TRPC5: variants seen among roughly 807,000 people sequenced by gnomAD.
TRPC5 encodes the protein short transient receptor potential channel 5.
Under a neutral mutation model 56.5 loss-of-function variants are expected in TRPC5, and 9 were observed. The observed-to-expected ratio is 0.16, with a 90% confidence interval of 0.10 to 0.28. The LOEUF (loss-of-function observed/expected upper bound fraction) is 0.28, where lower values mean the gene tolerates loss of function less well. TRPC5 is among the 10% of genes least tolerant of loss of function. The pLI, the probability that TRPC5 is intolerant of heterozygous loss-of-function variation, is 1.00. For missense variants in TRPC5, 469 were observed against 748.9 expected, an observed-to-expected ratio of 0.63 and a Z score of 4.36; for synonymous variants, 282 against 278.5, an observed-to-expected ratio of 1.01 and a Z score of -0.13.
intron 10 of TRPC5, among the ~76,000 whole-genome samples, chrX:111,777,976 G>T (rs1301141420): frequency 8.9e-6 from 1 of 112,649 alleles, no homozygotes; most frequent in Non-Finnish European, 1.9e-5. Flanking sequence ...GAGCTGGTTA[G>T]ATCTTGCTCA....
chrX:111,972,054 A>G (rs1040118760), intron 1 of TRPC5, among the ~76,000 whole-genome samples: 2 of 111,414 alleles, frequency 1.8e-5, no homozygotes, highest in African/African-American at 6.5e-5. Context: ...TTAAATACTG[A>G]TATGAAATGC....
intron 1 of TRPC5, among the ~76,000 whole-genome samples, chrX:111,993,865 T>A (rs908891401): frequency 8.9e-6 from 1 of 112,174 alleles, no homozygotes; most frequent in African/African-American, 3.2e-5. Flanking sequence ...CTGTTCACTC[T>A]GATGGTAGTT....
chrX:111,853,256 G>C (rs1471453240), intron 4 of TRPC5, among the ~76,000 whole-genome samples: 1 of 111,461 alleles, frequency 9.0e-6, no homozygotes, highest in Non-Finnish European at 1.9e-5. Context: ...AATTATGCCT[G>C]GAGACTACTG....
intron 1 of TRPC5, among the ~76,000 whole-genome samples, chrX:112,030,429 G>A (rs947784104): frequency 3.6e-5 from 4 of 112,076 alleles, no homozygotes; most frequent in African/African-American, 1.3e-4. Flanking sequence ...CTTGTTAATC[G>A]CTATAGCATT....
intron 1 of TRPC5, among the ~76,000 whole-genome samples, chrX:112,007,051 G>C (rs901266369): frequency 9.0e-6 from 1 of 111,083 alleles, no homozygotes; most frequent in Non-Finnish European, 1.9e-5. Context: ...AGGGAGGTGG[G>C]GTGGAGTGGG....
intron 1 of TRPC5, among the ~76,000 whole-genome samples, chrX:112,038,227 T>C (rs760210703): frequency 8.9e-6 from 1 of 112,140 alleles, no homozygotes; most frequent in Admixed American, 9.4e-5. Context: ...GAAATTTACG[T>C]CGTTACATTT....
chrX:112,054,419 C>A (rs1323619909), intron 1 of TRPC5, among the ~76,000 whole-genome samples: 3 of 111,058 alleles, frequency 2.7e-5, no homozygotes, highest in Non-Finnish European at 5.7e-5. Flanking sequence ...GGAGGCTGGA[C>A]AGAGGATGTA....
intron 7 of TRPC5, among the ~76,000 whole-genome samples, chrX:111,813,535 G>A (rs1027431633): frequency 1.7e-4 from 19 of 112,539 alleles, no homozygotes; most frequent in Middle Eastern, 4.6e-3. Flanking sequence ...CAAACTGCAA[G>A]GCCAATTTCT....
intron 3 of TRPC5, among the ~76,000 whole-genome samples, chrX:111,879,549 G>A (rs1924108041): frequency 8.9e-6 from 1 of 112,292 alleles, no homozygotes; most frequent in Admixed American, 9.4e-5. Context: ...TCTTTATCAA[G>A]TACCTGCTAA....
At chrX:112,043,570 GA>G (rs1271585175) in intron 1 of TRPC5, among the ~76,000 whole-genome samples, 4 of 99,332 alleles carry the variant, frequency 4.0e-5, no homozygotes, top group South Asian at 4.7e-4. Flanking sequence ...CATTCTGATA[GA>G]AAAAAAAGTT....
chrX:112,044,076 G>A (rs906817593), intron 1 of TRPC5, among the ~76,000 whole-genome samples: 2 of 111,410 alleles, frequency 1.8e-5, no homozygotes, highest in Admixed American at 9.5e-5. Context: ...AGATAGACTA[G>A]CAACTGTAAA....
chrX:111,964,619 G>A (rs777296484), intron 1 of TRPC5, among the ~76,000 whole-genome samples: 14 of 112,557 alleles, frequency 1.2e-4, no homozygotes, highest in East Asian at 8.4e-4. Flanking sequence ...GACTAACAGC[G>A]GATCTCTTGG....
chrX:111,773,741 CT>C lies in TRPC5; in HGVS notation c.*2571del, dbSNP rs1945857828. Among the ~76,000 whole-genome samples, 2 of 111,179 alleles carry C rather than the reference CT, an allele frequency of 1.8e-5. No individual in the cohort carries two copies. The highest frequency in any genetic ancestry group is 3.8e-5 in the Non-Finnish European group (2 of 52,953). ...ATATGAGGTTGGAATAGAGTAGATC[CT>C]TTATAAAGTTCTCTTTTAGTTCTTT... is the stretch of plus-strand genomic sequence containing the variant. On this transcript the variant is annotated 3_prime_UTR_variant, in exon 11 of 11. Transcript: ENST00000262839.
chrX:111,993,022 G>C (rs909559959), intron 1 of TRPC5, among the ~76,000 whole-genome samples: 1 of 110,165 alleles, frequency 9.1e-6, no homozygotes, highest in African/African-American at 3.3e-5. Flanking sequence ...ATTTACATTA[G>C]GTATTTCTCC....
chrX:111,956,240 A>G (rs1048314635), intron 1 of TRPC5, among the ~76,000 whole-genome samples: 3 of 112,369 alleles, frequency 2.7e-5, no homozygotes, highest in Non-Finnish European at 5.6e-5. Context: ...CAGTGCCTTC[A>G]GAGTGTCGTG....
At chrX:111,954,374 C>CT (rs2148639593) in intron 1 of TRPC5, among the ~76,000 whole-genome samples, 1 of 111,949 alleles carries the variant, frequency 8.9e-6, no homozygotes, top group South Asian at 3.8e-4. Context: ...GGCTGGAGGC[C>CT]TCACAGAAAG....
At chrX:111,865,543 G>T (rs1439723020) in intron 3 of TRPC5, among the ~76,000 whole-genome samples, 2 of 108,844 alleles carry the variant, frequency 1.8e-5, no homozygotes, top group Non-Finnish European at 3.8e-5. Context: ...GGCCAGGATG[G>T]TCTTGATCTC....
chrX:111,988,735 C>G (rs765119266), intron 1 of TRPC5, among the ~76,000 whole-genome samples: 86 of 111,102 alleles, frequency 7.7e-4, no homozygotes, highest in Non-Finnish European at 1.5e-3. Context: ...GTCCAATGTC[C>G]TTTACCATGC....
intron 1 of TRPC5, among the ~76,000 whole-genome samples, chrX:112,024,733 C>A (rs894053780): frequency 8.9e-6 from 1 of 111,756 alleles, no homozygotes; most frequent in African/African-American, 3.3e-5. Flanking sequence ...AAGTCTCAAG[C>A]AGTCTTACTA....
Sources: gnomAD v4.1 joint callset for allele counts (sites outside exome capture counted in the v4.1 genomes callset) on GRCh38, gnomAD v4.1.1 for gene constraint, MANE v1.5 for transcripts, NCBI Gene and HGNC (gene_info 2026-07-23, HGNC 2026-07-21) for gene names.